STOML1: variants seen among roughly 807,000 people sequenced by gnomAD.
The protein encoded by STOML1 is stomatin-like protein 1.
Under a neutral mutation model 35.7 loss-of-function variants are expected in STOML1, and 27 were observed. That is an observed-to-expected ratio of 0.76 (90% CI 0.56 to 1.04). STOML1 has a LOEUF of 1.04. Ranked by LOEUF, STOML1 falls within the 50% of genes least tolerant of loss-of-function variation. STOML1 has a pLI of 0.00. For synonymous variants in STOML1, 219 were observed against 227.9 expected (o/e 0.96, Z 0.35); for missense variants, 451 against 527.1 (o/e 0.86, Z 1.41).
In STOML1 at chr15:73,982,667, TTTGA is replaced by T. The variant is rs2141658853; in HGVS notation, c.*1266_*1269del. On this transcript the variant is annotated 3_prime_UTR_variant, in exon 7 of 7. Transcript: ENST00000541638. The stretch of plus-strand genomic sequence containing the variant: ...CTGGGGGCTGTTCTTAAGGGGAGGC[TTTGA>T]TTTTTGTGGTTTTGTTTTTCCCAGA... 6.6e-6 allele frequency: 1 copy of T among 152,320 alleles called. No homozygotes were observed. The highest frequency in any genetic ancestry group is 2.4e-5 in the African/African-American group (1 of 41,506). The allele number at this position is 152,320 out of a possible 1,614,324, so 9.4% of individuals were successfully genotyped here.
chr15:73,985,625 G>T, intron 4 of STOML1, 112 bp from the exon 5 acceptor site: 1 of 1,272,266 alleles, frequency 7.9e-7, no homozygotes, highest in Non-Finnish European at 1.1e-6. Flanking sequence ...CACCGCCCTT[G>T]AGACACTCCT....
In STOML1 at chr15:73,991,788, G is replaced by GT. The variant is rs1478823102; in HGVS notation, c.133+302_133+303insA. On this transcript the variant is annotated intron_variant, in intron 1 of 6. Transcript: ENST00000541638. ...TTTCTTCTATGCGAAATAGAAACCT[G>GT]AAACGTCTTCCCAGGCCTAAAGGGC... 3 of 583,422 alleles carry GT rather than the reference G, an allele frequency of 5.1e-6. No individual in the cohort carries two copies. In the Admixed American group the frequency reaches 7.3e-5, roughly 14 times the overall value. 36.1% of individuals were successfully genotyped at this position (583,422 alleles called of 1,614,324 possible). A position where few individuals can be genotyped will look rare whatever the true frequency, so the allele number is the denominator to read the frequency against.
In STOML1 at chr15:73,984,943, C is replaced by T. The variant is rs545974364; in HGVS notation, c.791-72G>A. On this transcript the variant is annotated intron_variant, in intron 5 of 6. Coordinates refer to ENST00000541638, the MANE Select transcript of STOML1 (RefSeq NM_004809.5). ...TCGTGTTGCCAAGGTCAGGACCACT[C>T]ACTGTGGCCTCTGCACCTTTTGTGG... 7.1e-6 allele frequency: 11 copies of T among 1,552,588 alleles called. No homozygotes were observed. The African/African-American group carries it at 1.5e-4, about 21-fold the overall frequency.
At position 73,984,736 on chromosome 15, in the gene STOML1, T is replaced by TGGAAG; in HGVS notation, c.925_926insCTTCC (p.Gln309ProfsTer68). On this transcript the variant is annotated frameshift_variant, in exon 6 of 7. Transcript: ENST00000541638. LOFTEE classifies it high-confidence loss of function. ...ATTGAACTGGTAGCAGGCCCCGACT[T>TGGAAG]GGCTGACCAGGGCCTCAGACAGGAA... 1 of 1,614,096 alleles carries TGGAAG rather than the reference T, an allele frequency of 6.2e-7. No individual in the cohort carries two copies. Among genetic ancestry groups the TGGAAG allele is most frequent in the Non-Finnish European group, 8.5e-7 (1 of 1,180,020 alleles).
Position 73,984,717 on chromosome 15 carries a change from C to G in STOML1, c.945G>C (p.Gln315His), listed in dbSNP as rs902493687. Reference sequence around the variant, plus strand: ...TGCCGCTGGGCAGGACGACATTGAACTGGTAGCAGGCCCCGACTTGGCTGA... The same window carrying G: ...TGCCGCTGGGCAGGACGACATTGAAGTGGTAGCAGGCCCCGACTTGGCTGA... ...ALVSQVGACY[Q>H]FNVVLPSGTQ... Residue 315 changes from glutamine (Q) to histidine (H), a missense_variant, in exon 6 of 7, where the codon CAG (glutamine) becomes CAC (histidine). Physicochemically the swap from Gln to His is conservative, Grantham distance 24 (BLOSUM62 0). Transcript: ENST00000541638. 6.2e-7 allele frequency: 1 copy of G among 1,613,994 alleles called. No homozygotes were observed. The highest frequency in any genetic ancestry group is 8.5e-7 in the Non-Finnish European group (1 of 1,180,040).
chr15:73,984,895 G>T (rs961729741), intron 5 of STOML1, 24 bp from the exon 6 acceptor site: 2 of 1,612,930 alleles, frequency 1.2e-6, no homozygotes, highest in Non-Finnish European at 1.7e-6. Context: ...ACAGGGTTGG[G>T]GAAGGAGGCA....
In STOML1 at chr15:73,988,502, A is replaced by G; in HGVS notation, c.594+97T>C. On this transcript the variant is annotated intron_variant, in intron 4 of 6. Coordinates refer to ENST00000541638, the MANE Select transcript of STOML1 (RefSeq NM_004809.5). This position sits in a 1 kb window ranked among gnomAD's most constrained non-coding sequence, Gnocchi z 4.8. ...CACTATTGGGACATATGGTAAACTG[A>G]GGCCCAGAGTGGTCTGACTCTTTTC... The G allele has an allele frequency of 7.1e-7, 1 of 1,413,276 alleles. No homozygotes were observed. Among genetic ancestry groups the G allele is most frequent in the Non-Finnish European group, 9.6e-7 (1 of 1,036,846 alleles). The allele number at this position is 1,413,276 out of a possible 1,614,324, so 87.5% of individuals were successfully genotyped here. A position where few individuals can be genotyped will look rare whatever the true frequency, so the allele number is the denominator to read the frequency against.
Position 73,988,566 on chromosome 15 carries a change from C to T in STOML1, c.594+33G>A. 2 of 1,612,672 alleles carry T rather than the reference C, an allele frequency of 1.2e-6. No homozygotes were observed. The highest frequency in any genetic ancestry group is 1.7e-6 in the Non-Finnish European group (2 of 1,179,288). On this transcript the variant is annotated intron_variant, in intron 4 of 6. Transcript: ENST00000541638. The surrounding 1 kb of genome is among the most constrained non-coding windows in gnomAD (Gnocchi z 4.8). ...GCAGGTGGAGCCAGGCCGGTGCCACCCCTCAAGCTCCGTCTTGTGAGGGGC... is the reference window on the plus strand; with the variant it reads ...GCAGGTGGAGCCAGGCCGGTGCCACTCCTCAAGCTCCGTCTTGTGAGGGGC...
chr15:73,989,555 G>A (rs768402980), intron 2 of STOML1, among the ~76,000 whole-genome samples: 41 of 152,184 alleles, frequency 2.7e-4, no homozygotes, highest in Non-Finnish European at 5.7e-4. Flanking sequence ...CATCTCTGTG[G>A]TCTGAAGTTA....
At chr15:73,990,168 A>G in intron 2 of STOML1, 183 bp downstream of exon 2, 2 of 604,260 alleles carry the variant, frequency 3.3e-6, no homozygotes, top group Non-Finnish European at 2.9e-6. Context: ...GTATGACTTT[A>G]GACAAGCCCA....
chr15:73,983,757 G>C lies in STOML1; in HGVS notation c.*180C>G, dbSNP rs151276833. The C allele has an allele frequency of 5.7e-5, 37 of 646,312 alleles. No individual in the cohort carries two copies. The highest frequency in any genetic ancestry group is 5.1e-4 in the African/African-American group (28 of 54,834). 40.0% of individuals were successfully genotyped at this position (646,312 alleles called of 1,614,324 possible). A position where few individuals can be genotyped will look rare whatever the true frequency, so the allele number is the denominator to read the frequency against. ...CCTTGTCCAGAGAACCACTGTAGGG[G>C]AGACGTGCATGGCAGCCGGACTCAG... is the stretch of plus-strand genomic sequence containing the variant. On this transcript the variant is annotated 3_prime_UTR_variant, in exon 7 of 7. Coordinates refer to ENST00000541638, the MANE Select transcript of STOML1 (RefSeq NM_004809.5).
Position 73,988,725 on chromosome 15 carries a change from C to A in STOML1, c.468G>T (p.Val156=), listed in dbSNP as rs1278970505. ...QFRIWDPVLS[V]MTVKDLNTAT... The stretch of plus-strand genomic sequence containing the variant: ...CTGTGTTCAGGTCTTTCACAGTCAT[C>A]ACCGACAGCACCGGGTCCCAGATGC... The change falls in exon 4 of 7, where the codon GTG becomes GTT. Residue 156 remains valine (V), a synonymous_variant. Coordinates refer to ENST00000541638, the MANE Select transcript of STOML1 (RefSeq NM_004809.5). This position sits in a 1 kb window ranked among gnomAD's most constrained non-coding sequence, Gnocchi z 4.8. The A allele has an allele frequency of 6.2e-7, 1 of 1,614,226 alleles. No homozygotes were observed. The highest frequency in any genetic ancestry group is 8.5e-7 in the Non-Finnish European group (1 of 1,180,044).
chr15:73,985,596 C>T, intron 4 of STOML1, 83 bp from the exon 5 acceptor site: 1 of 1,466,034 alleles, frequency 6.8e-7, no homozygotes, highest in East Asian at 2.7e-5. Context: ...TGTGGCCGTG[C>T]ATGGACATGG....
At position 73,988,666 on chromosome 15, in the gene STOML1, T is replaced by A. The variant is rs770880479; in HGVS notation, c.527A>T (p.Lys176Met). 2 of 1,614,206 alleles carry A rather than the reference T, an allele frequency of 1.2e-6. No individual in the cohort carries two copies. Among genetic ancestry groups the A allele is most frequent in the Admixed American group, 3.3e-5 (2 of 60,026 alleles). The change falls in exon 4 of 7, where the codon AAG becomes ATG. Residue 176 changes from lysine (K) to methionine (M), a missense_variant. Transcript: ENST00000541638. The surrounding 1 kb of genome is among the most constrained non-coding windows in gnomAD (Gnocchi z 4.8). ...CCGCAGCGGCCTCTTGAGCAGGGCC[T>A]TGGTCATGGCGTTCTGGGCTGTCAT... ...TRMTAQNAMT[K>M]ALLKRPLREI...
Position 73,988,856 on chromosome 15 carries a change from G to T in STOML1, c.391-54C>A, listed in dbSNP as rs376888305. On this transcript the variant is annotated intron_variant, in intron 3 of 6. Transcript: ENST00000541638. The surrounding 1 kb of genome is among the most constrained non-coding windows in gnomAD (Gnocchi z 4.8). ...ACTCAAGGGGCTGGGGGTGCAGGGA[G>T]GTCAGGCCCACTGGGGCCACCCAGC... is the stretch of plus-strand genomic sequence containing the variant. 1.9e-5 allele frequency: 30 copies of T among 1,578,220 alleles called. No homozygotes were observed. The East Asian group carries it at 5.4e-4, about 28-fold the overall frequency.
At position 73,984,712 on chromosome 15, in the gene STOML1, T is replaced by C; in HGVS notation, c.950A>G (p.Asn317Ser). Residue 317 changes from asparagine (N) to serine (S), a missense_variant, in exon 6 of 7, where the codon AAT becomes AGT. Asn to Ser is a conservative substitution (Grantham distance 46). Transcript: ENST00000541638. ...VSQVGACYQF[N>S]VVLPSGTQSA... ...TTGGGTGCCGCTGGGCAGGACGACA[T>C]TGAACTGGTAGCAGGCCCCGACTTG... The C allele has an allele frequency of 6.2e-7, 1 of 1,614,054 alleles. No individual in the cohort carries two copies. The highest frequency in any genetic ancestry group is 8.5e-7 in the Non-Finnish European group (1 of 1,180,010).
In STOML1 at chr15:73,990,748, T is replaced by C. The variant is rs2069248556; in HGVS notation, c.134-291A>G. Reference sequence around the variant, plus strand: ...CAATCTCAGAATCCAGTCCGCGTGATGATGCTCTCCTCACTGGACTGAGTA... The same window carrying C: ...CAATCTCAGAATCCAGTCCGCGTGACGATGCTCTCCTCACTGGACTGAGTA... On this transcript the variant is annotated intron_variant, in intron 1 of 6. Coordinates refer to ENST00000541638, the MANE Select transcript of STOML1 (RefSeq NM_004809.5). The C allele has an allele frequency of 2.1e-6, 3 of 1,452,656 alleles. No individual in the cohort carries two copies. In the Admixed American group the frequency reaches 5.9e-5, roughly 29 times the overall value. The allele number at this position is 1,452,656 out of a possible 1,614,324, so 90.0% of individuals were successfully genotyped here. A position where few individuals can be genotyped will look rare whatever the true frequency, so the allele number is the denominator to read the frequency against.
At chr15:73,990,936 A>T in intron 1 of STOML1, 1 of 1,513,156 alleles carries the variant, frequency 6.6e-7, no homozygotes, top group African/African-American at 1.4e-5. Flanking sequence ...TATGAAGATG[A>T]TGCCTTAGCC....
At chr15:73,993,870 C>T (rs1280741820), upstream of STOML1, among the ~76,000 whole-genome samples, 1 of 151,564 alleles carries the variant, frequency 6.6e-6, no homozygotes, top group South Asian at 2.1e-4. Context: ...CTCCAGCTCT[C>T]CCCCTCCCTC....
Sources: gnomAD v4.1 joint callset for allele counts (sites outside exome capture counted in the v4.1 genomes callset) on GRCh38, gnomAD v4.1.1 for gene constraint, Gnocchi (gnomAD v3.1) non-coding constraint, MANE v1.5 for transcripts, NCBI Gene and HGNC (gene_info 2026-07-23, HGNC 2026-07-21) for gene names.